The following MAPRE2 variants were observed in gnomAD, a reference collection of about 807,000 sequenced individuals.
The protein encoded by MAPRE2 is microtubule-associated protein RP/EB family member 2.
In MAPRE2, 13 loss-of-function variants were observed where a neutral mutation model predicts 43.2. The observed-to-expected ratio is 0.30, with a 90% CI of 0.20 to 0.48. MAPRE2 has a LOEUF of 0.48. MAPRE2 is among the 20% of genes least tolerant of loss of function. The pLI is 0.99. For missense variants in MAPRE2, 161 were observed against 400.2 expected, an observed-to-expected ratio of 0.40 and a Z score of 5.10; for synonymous variants, 135 against 148.8, an observed-to-expected ratio of 0.91 and a Z score of 0.68.
At chr18:35,027,860 G>A (rs1271359962) in intron 2 of MAPRE2, among the ~76,000 whole-genome samples, 1 of 152,176 alleles carries the variant, frequency 6.6e-6, no homozygotes, top group East Asian at 1.9e-4. Context: ...GATGCAGGAT[G>A]CTTCCTCAGT....
chr18:34,985,046 AAT>A (rs1568961136), intron 1 of MAPRE2, among the ~76,000 whole-genome samples: 1 of 53,360 alleles, frequency 1.9e-5, no homozygotes, highest in East Asian at 5.4e-4. Context: ...TAATATATAA[AAT>A]ATATTATATA....
intron 2 of MAPRE2, among the ~76,000 whole-genome samples, chr18:35,018,858 G>C (rs1330394439): frequency 6.6e-6 from 1 of 151,592 alleles, no homozygotes; most frequent in African/African-American, 2.4e-5. Flanking sequence ...ATATTCTCCT[G>C]CTAGCTTTGG....
At chr18:35,057,134 C>T (rs982858402) in intron 1 of MAPRE2, among the ~76,000 whole-genome samples, 1 of 152,202 alleles carries the variant, frequency 6.6e-6, no homozygotes, top group African/African-American at 2.4e-5. Context: ...CCTGCCTCAG[C>T]CTCCCAAGTA....
intron 1 of MAPRE2, among the ~76,000 whole-genome samples, chr18:35,001,428 C>T (rs1318887299): frequency 3.3e-5 from 5 of 151,604 alleles, no homozygotes; most frequent in East Asian, 1.9e-4. Context: ...GCACGAGAAT[C>T]GCTTGAACCC....
At chr18:35,137,763 G>T (rs143836561) in intron 6 of MAPRE2, among the ~76,000 whole-genome samples, 44 of 152,278 alleles carry the variant, frequency 2.9e-4, no homozygotes, top group African/African-American at 1.0e-3. Context: ...CGGGACTGTG[G>T]TGCGCCCTCC....
At chr18:35,052,707 C>T (rs1412024988) in intron 1 of MAPRE2, among the ~76,000 whole-genome samples, 3 of 152,150 alleles carry the variant, frequency 2.0e-5, no homozygotes, top group African/African-American at 7.2e-5. Context: ...GATTGTTTCA[C>T]ATCCTTGGCA....
At chr18:35,112,458 A>G (rs1272909932) in intron 4 of MAPRE2, among the ~76,000 whole-genome samples, 1 of 152,154 alleles carries the variant, frequency 6.6e-6, no homozygotes, top group South Asian at 2.1e-4. Flanking sequence ...GGCGTGAGCT[A>G]CCACACCCGG....
rs536484480 is a variant in MAPRE2, at chr18:35,008,985, C to CATAT, written c.-8+3441_-8+3444dup. ...GTGTGCATGCACGTGTGTGTGTGTACATATATATATATGAATGATGTGCTC... is the reference window on the plus strand; with the variant it reads ...GTGTGCATGCACGTGTGTGTGTGTACATATATATATATATATGAATGATGTGCTC... On this transcript the variant is annotated intron_variant, in intron 2 of 7. Coordinates refer to the MAPRE2 transcript ENST00000413393. Among the ~76,000 whole-genome samples, 1,096 of 149,734 alleles carry CATAT rather than the reference C, an allele frequency of 7.3e-3. 9 individuals carry two copies. Among genetic ancestry groups the CATAT allele is most frequent in the African/African-American group, 0.024 (1,004 of 41,082 alleles).
chr18:35,060,956 G>A (rs980932229), intron 1 of MAPRE2, among the ~76,000 whole-genome samples: 10 of 152,112 alleles, frequency 6.6e-5, no homozygotes, highest in Non-Finnish European at 7.4e-5. Context: ...AATACTTGGT[G>A]ATATGGCAAG....
At chr18:34,988,075 T>C (rs1568963199) in intron 1 of MAPRE2, among the ~76,000 whole-genome samples, 4 of 152,210 alleles carry the variant, frequency 2.6e-5, no homozygotes, top group Non-Finnish European at 5.9e-5. Flanking sequence ...AAATCTCTTT[T>C]GTTTTTCATT....
upstream of MAPRE2, among the ~76,000 whole-genome samples, chr18:35,040,894 T>G (rs577336987): frequency 1.6e-4 from 24 of 152,350 alleles, no homozygotes; most frequent in South Asian, 2.1e-4. Context: ...GGCTTGTTTT[T>G]GGGGAGATGG....
intron 6 of MAPRE2, among the ~76,000 whole-genome samples, chr18:35,138,531 A>G (rs1910490032): frequency 6.6e-6 from 1 of 152,212 alleles, no homozygotes; most frequent in Non-Finnish European, 1.5e-5. Flanking sequence ...TAAAAAAATT[A>G]CTTGCACTTC....
chr18:35,031,893 C>T (rs2097048015), intron 2 of MAPRE2, among the ~76,000 whole-genome samples: 1 of 152,108 alleles, frequency 6.6e-6, no homozygotes, highest in South Asian at 2.1e-4. Context: ...AAATAAAATG[C>T]TATTACTTAA....
chr18:35,018,735 G>A (rs532782903), intron 2 of MAPRE2, among the ~76,000 whole-genome samples: 1 of 151,778 alleles, frequency 6.6e-6, no homozygotes, highest in East Asian at 1.9e-4. Flanking sequence ...AATATAGCTA[G>A]CAGCTATTGA....
intron 1 of MAPRE2, among the ~76,000 whole-genome samples, chr18:35,000,701 A>G (rs1204462718): frequency 6.6e-6 from 1 of 152,220 alleles, no homozygotes; most frequent in Non-Finnish European, 1.5e-5. Flanking sequence ...CCAACAAACA[A>G]GCAGAGCCAT....
chr18:35,041,652 G>T lies in MAPRE2; in HGVS notation c.113G>T (p.Arg38Leu). Residue 38 changes from arginine to leucine, a missense_variant, in exon 1 of 7, where the codon CGT becomes CTT. By Grantham distance (102) the Arg-to-Leu change is moderately radical (BLOSUM62 -2). Transcript: ENST00000300249. The part of the protein sequence containing the change: ...PFRKHTVRGE[R>L]SYSWGMAVNV... Reference sequence around the variant, plus strand: ...CGGAAGCACACAGTGCGCGGGGAGCGTTCCTACAGGTAATGGGGCTGGCAC... The same window carrying T: ...CGGAAGCACACAGTGCGCGGGGAGCTTTCCTACAGGTAATGGGGCTGGCAC... 1 of 1,614,236 alleles carries T rather than the reference G, an allele frequency of 6.2e-7. No individual in the cohort carries two copies. Among genetic ancestry groups the T allele is most frequent in the Non-Finnish European group, 8.5e-7 (1 of 1,180,046 alleles).
Position 35,143,449 on chromosome 18 carries a change from A to T in MAPRE2, c.*3080A>T, listed in dbSNP as rs1308182749. 4.6e-5 allele frequency: 6 copies of T among 131,068 alleles called. No homozygotes were observed. The highest frequency in any genetic ancestry group is 8.0e-5 in the Admixed American group (1 of 12,518). 8.1% of individuals were successfully genotyped at this position (131,068 alleles called of 1,614,324 possible). On this transcript the variant is annotated 3_prime_UTR_variant, in exon 7 of 7. Transcript: ENST00000300249. ...CATTGATCTTTTTACATATTTAATA[A>T]AAAAAAAAGTATATGTTAAAATCTG...
At chr18:34,985,502 A>T (rs545772668) in intron 1 of MAPRE2, among the ~76,000 whole-genome samples, 1 of 41,926 alleles carries the variant, frequency 2.4e-5, no homozygotes, top group Non-Finnish European at 4.0e-5. Context: ...ATATTATATA[A>T]TATATAATAT....
At chr18:35,064,168 A>T (rs932170982) in intron 1 of MAPRE2, among the ~76,000 whole-genome samples, 1 of 151,226 alleles carries the variant, frequency 6.6e-6, no homozygotes, top group South Asian at 2.1e-4. Flanking sequence ...ACTGCACTCC[A>T]GCCTGAACAA....
Sources: gnomAD v4.1 joint callset for allele counts (sites outside exome capture counted in the v4.1 genomes callset) on GRCh38, gnomAD v4.1.1 for gene constraint, MANE v1.5 for transcripts, NCBI Gene and HGNC (gene_info 2026-07-23, HGNC 2026-07-21) for gene names.